INTS4: variants seen among roughly 807,000 people sequenced by gnomAD.
INTS4 encodes the protein MSTP093.
Under a neutral mutation model 119.5 loss-of-function variants are expected in INTS4, and 70 were observed. The observed-to-expected ratio is 0.59, with a 90% confidence interval of 0.48 to 0.71. The LOEUF (loss-of-function observed/expected upper bound fraction) is 0.71, where lower values mean the gene tolerates loss of function less well. INTS4 is among the 30% of genes least tolerant of loss of function. The pLI, the probability that INTS4 is intolerant of heterozygous loss-of-function variation, is 0.00. For missense variants in INTS4, 867 were observed against 1,173.2 expected (o/e 0.74, Z 3.81); for synonymous variants, 316 against 419.6 (o/e 0.75, Z 3.02).
intron 4 of INTS4, among the ~76,000 whole-genome samples, chr11:77,977,225 C>T (rs1457603515): frequency 6.6e-6 from 1 of 151,882 alleles, no homozygotes; most frequent in East Asian, 1.9e-4. Context: ...TAACAATATG[C>T]CCTGCAGTAT....
intron 3 of INTS4, among the ~76,000 whole-genome samples, chr11:77,979,977 CAAAAAAA>C (rs1254017443): frequency 1.7e-4 from 7 of 41,654 alleles, no homozygotes; most frequent in African/African-American, 1.7e-4. Flanking sequence ...GACTCCATCT[CAAAAAAA>C]AAAAAAAAAA....
At position 77,883,075 on chromosome 11, in the gene INTS4, A is replaced by AAATAATAATAAT. The variant is rs10687244; in HGVS notation, c.2713+745_2713+756dup. Among the ~76,000 whole-genome samples, 812 of 148,318 alleles carry AAATAATAATAAT rather than the reference A, an allele frequency of 5.5e-3. 8 individuals carry two copies. The highest frequency in any genetic ancestry group is 0.016 in the African/African-American group (658 of 40,188). On this transcript the variant is annotated intron_variant, in intron 22 of 22. Transcript: ENST00000534064. ...TGGGCAAGAGCAAGACTCCGTCTCA[A>AAATAATAATAAT]AATAATAATAATAATAATAATAATA...
At chr11:77,993,883 A>G (rs1407448949) in intron 1 of INTS4, among the ~76,000 whole-genome samples, 1 of 152,132 alleles carries the variant, frequency 6.6e-6, no homozygotes. Flanking sequence ...TTGTATACAC[A>G]TTAATATCTG....
In INTS4 at chr11:77,929,019, C is replaced by CAA. The variant is rs545705756; in HGVS notation, c.1166-474_1166-473dup. Reference sequence around the variant, plus strand: ...CTGGTGACAGAGTGGGCCCCTGTCTCAAAAAAAAAAAAAACTCCAAAAACA... The same window carrying CAA: ...CTGGTGACAGAGTGGGCCCCTGTCTCAAAAAAAAAAAAAAAACTCCAAAAACA... On this transcript the variant is annotated intron_variant, in intron 10 of 22. Coordinates refer to ENST00000534064, the MANE Select transcript of INTS4 (RefSeq NM_033547.4). 4.2e-3 allele frequency among the ~76,000 whole-genome samples: 536 copies of CAA among 127,000 alleles called. 4 individuals carry two copies. The highest frequency in any genetic ancestry group is 0.013 in the African/African-American group (455 of 33,878). The allele number at this position is 127,000 out of a possible 152,430, so 83.3% of individuals were successfully genotyped here. A position where few individuals can be genotyped will look rare whatever the true frequency, so the allele number is the denominator to read the frequency against.
chr11:77,928,675 T>A (rs1953571053), intron 10 of INTS4, 128 bp from the exon 11 acceptor site: 2 of 1,388,630 alleles, frequency 1.4e-6, no homozygotes, highest in Admixed American at 5.5e-5. Flanking sequence ...GGTAAAACTC[T>A]GTTTCTACCA....
chr11:77,947,437 A>T (rs535417462), intron 8 of INTS4, among the ~76,000 whole-genome samples: 73 of 152,348 alleles, frequency 4.8e-4, no homozygotes, highest in Admixed American at 3.9e-4. Context: ...CATTACTATC[A>T]ACAGATTTCT....
At chr11:77,948,046 A>G (rs1954090322) in intron 8 of INTS4, among the ~76,000 whole-genome samples, 2 of 151,982 alleles carry the variant, frequency 1.3e-5, no homozygotes, top group African/African-American at 4.8e-5. Flanking sequence ...ACGAGGTCTC[A>G]CTATGTTGCC....
downstream of INTS4, among the ~76,000 whole-genome samples, chr11:77,878,239 G>A (rs537254271): frequency 1.8e-4 from 28 of 152,112 alleles, no homozygotes; most frequent in East Asian, 4.1e-3. Context: ...ACAGGCGCCT[G>A]TAGTCCCACC....
intron 2 of INTS4, among the ~76,000 whole-genome samples, chr11:77,986,686 AG>A (rs1591149601): frequency 6.6e-6 from 1 of 152,194 alleles, no homozygotes; most frequent in Admixed American, 6.5e-5. Flanking sequence ...TGTCCTTCGC[AG>A]GGAAATGGAT....
At chr11:77,928,269 C>T (rs1472832969) in intron 11 of INTS4, 73 bp downstream of exon 11, 4 of 1,505,818 alleles carry the variant, frequency 2.7e-6, no homozygotes, top group Admixed American at 3.4e-5. Flanking sequence ...GTCACCAATG[C>T]CTAGCACAAT....
intron 16 of INTS4, 121 bp downstream of exon 16, chr11:77,907,596 T>C (rs1952987670): frequency 1.5e-6 from 1 of 666,754 alleles, no homozygotes; most frequent in Non-Finnish European, 2.7e-6. Flanking sequence ...TACATATTTC[T>C]CCATTGTCAA....
chr11:77,908,066 T>C (rs199978993), intron 15 of INTS4, among the ~76,000 whole-genome samples: 1 of 72,730 alleles, frequency 1.4e-5, no homozygotes, highest in Non-Finnish European at 2.6e-5. Context: ...GTTTGATTCA[T>C]AGCTTTACAC....
chr11:77,979,637 T>TTA (rs1349412483), intron 3 of INTS4, among the ~76,000 whole-genome samples: 1 of 151,512 alleles, frequency 6.6e-6, no homozygotes, highest in Non-Finnish European at 1.5e-5. Flanking sequence ...CCAAAAATGT[T>TTA]TAGTGCTTGA....
At chr11:77,965,132 T>C (rs545447418) in intron 4 of INTS4, among the ~76,000 whole-genome samples, 1 of 152,232 alleles carries the variant, frequency 6.6e-6, no homozygotes, top group Admixed American at 6.5e-5. Context: ...GGCATGATCA[T>C]AGCTCACATA....
chr11:77,954,359 A>C (rs1591102328), intron 8 of INTS4, among the ~76,000 whole-genome samples: 2 of 152,066 alleles, frequency 1.3e-5, no homozygotes, highest in South Asian at 4.2e-4. Flanking sequence ...TGTGTTGCCC[A>C]GGCTGGTCTT....
chr11:77,981,322 T>C (rs1298711459), intron 3 of INTS4, 137 bp downstream of exon 3: 1 of 418,606 alleles, frequency 2.4e-6, no homozygotes, highest in African/African-American at 2.0e-5. Context: ...AATGTAAATA[T>C]GTATATATGG....
chr11:77,989,855 C>T (rs1372700884), intron 2 of INTS4, among the ~76,000 whole-genome samples: 2 of 152,062 alleles, frequency 1.3e-5, no homozygotes, highest in Non-Finnish European at 2.9e-5. Context: ...GCCGTGATAG[C>T]ACCACTGCAC....
At chr11:77,983,787 C>T (rs1856339223) in intron 2 of INTS4, among the ~76,000 whole-genome samples, 1 of 152,154 alleles carries the variant, frequency 6.6e-6, no homozygotes, top group South Asian at 2.1e-4. Context: ...GCTTCTGGGC[C>T]TTTTGGCTAA....
chr11:77,893,472 G>A (rs187643897), intron 19 of INTS4, among the ~76,000 whole-genome samples: 126 of 152,284 alleles, frequency 8.3e-4, no homozygotes, highest in African/African-American at 2.8e-3. Flanking sequence ...ATCCAGGCAT[G>A]GTGGCACATG....
Sources: allele counts gnomAD v4.1 joint callset (sites outside exome capture counted in the v4.1 genomes callset), GRCh38; gene constraint gnomAD v4.1.1; transcripts MANE v1.5; gene names NCBI Gene and HGNC (gene_info 2026-07-23, HGNC 2026-07-21).